CDKN2B-AS1: variants seen among roughly 807,000 people sequenced by gnomAD.
CDKN2B-AS1 encodes CDKN2B antisense RNA 1 (non-protein coding).
intron 4 of CDKN2B-AS1, chr9:22,058,633 A>G (rs1823675421): frequency 6.6e-6 from 1 of 152,294 alleles, no homozygotes; most frequent in Non-Finnish European, 1.5e-5. Context: ...TAAAATATAC[A>G]GAATTATTCT....
At chr9:22,043,638 TTTAG>T (rs1450518092) in intron 1 of CDKN2B-AS1, among the ~76,000 whole-genome samples, 1 of 152,022 alleles carries the variant, frequency 6.6e-6, no homozygotes, top group African/African-American at 2.4e-5. Context: ...TTTTCCAAAC[TTTAG>T]TTATTTATGT....
At chr9:22,012,296 A>T in intron 1 of CDKN2B-AS1, 1 of 1,470,400 alleles carries the variant, frequency 6.8e-7, no homozygotes, top group Admixed American at 1.7e-5. Context: ...ATTTGCCAGC[A>T]AACAGCTGGA....
At chr9:22,087,268 C>A (rs183421193) in intron 4 of CDKN2B-AS1, among the ~76,000 whole-genome samples, 1 of 152,292 alleles carries the variant, frequency 6.6e-6, no homozygotes, top group East Asian at 1.9e-4. Flanking sequence ...TGACTCTGGT[C>A]ACTGTTGGGT....
At chr9:22,032,085 C>T (rs564862597) in intron 1 of CDKN2B-AS1, among the ~76,000 whole-genome samples, 1 of 152,284 alleles carries the variant, frequency 6.6e-6, no homozygotes, top group South Asian at 2.1e-4. Flanking sequence ...TGATTGCAGT[C>T]TTGTGAGAGA....
At chr9:22,081,633 T>A (rs765235913) in intron 4 of CDKN2B-AS1, among the ~76,000 whole-genome samples, 10 of 152,214 alleles carry the variant, frequency 6.6e-5, no homozygotes, top group Non-Finnish European at 1.5e-4. Flanking sequence ...AGGCCCATGA[T>A]CAGTGAGCTG....
At chr9:22,055,864 G>A (rs528354567) in intron 3 of CDKN2B-AS1, among the ~76,000 whole-genome samples, 1 of 152,110 alleles carries the variant, frequency 6.6e-6, no homozygotes, top group East Asian at 1.9e-4. Flanking sequence ...GGCCTATATT[G>A]GCATATAGGG....
At chr9:22,008,930 C>G in intron 1 of CDKN2B-AS1, 1 of 1,612,964 alleles carries the variant, frequency 6.2e-7, no homozygotes, top group Non-Finnish European at 8.5e-7. Flanking sequence ...CCCCACTGGG[C>G]ATGCCCTTGT....
Position 22,006,394 on chromosome 9 carries a change from G to A in CDKN2B-AS1, n.29+11233G>A. 9.0e-7 allele frequency: 1 copy of A among 1,111,978 alleles called. No individual in the cohort carries two copies. The highest frequency in any genetic ancestry group is 1.4e-5 in the South Asian group (1 of 72,862). 68.9% of individuals were successfully genotyped at this position (1,111,978 alleles called of 1,614,324 possible). On this transcript the variant is annotated intron_variant and non_coding_transcript_variant, in intron 1 of 4. Coordinates refer to ENST00000650946, the Ensembl canonical transcript of CDKN2B-AS1. This position sits in a 1 kb window ranked among gnomAD's most constrained non-coding sequence, Gnocchi z 6.4. ...GAGGTGTTCAGGTCTCTGATGTCTGGTGTTTCTTCATTTGCTGATGCAATC... is the reference window on the plus strand; with the variant it reads ...GAGGTGTTCAGGTCTCTGATGTCTGATGTTTCTTCATTTGCTGATGCAATC...
chr9:22,068,522 G>A (rs896143169), intron 4 of CDKN2B-AS1, among the ~76,000 whole-genome samples: 1 of 152,158 alleles, frequency 6.6e-6, no homozygotes, highest in Admixed American at 6.6e-5. Flanking sequence ...GACAGAGAGC[G>A]TGGTTTACAG....
chr9:22,053,483 C>T (rs1457760722), intron 3 of CDKN2B-AS1, among the ~76,000 whole-genome samples: 2 of 152,172 alleles, frequency 1.3e-5, no homozygotes, highest in Non-Finnish European at 2.9e-5. Context: ...AGATAATTCC[C>T]AGTGATCATT....
At chr9:22,086,644 G>T (rs1242820906) in intron 4 of CDKN2B-AS1, among the ~76,000 whole-genome samples, 2 of 152,072 alleles carry the variant, frequency 1.3e-5, no homozygotes, top group Non-Finnish European at 2.9e-5. Context: ...GCCCTGGTTT[G>T]CCCTATCTTA....
chr9:22,074,477 C>T (rs1489195868), intron 4 of CDKN2B-AS1, among the ~76,000 whole-genome samples: 3 of 152,180 alleles, frequency 2.0e-5, no homozygotes, highest in African/African-American at 7.2e-5. Context: ...CATCTGGTCA[C>T]TCTCGAATAC....
intron 4 of CDKN2B-AS1, among the ~76,000 whole-genome samples, chr9:22,114,791 A>G (rs1825903360): frequency 6.6e-6 from 1 of 152,098 alleles, no homozygotes; most frequent in Non-Finnish European, 1.5e-5. Context: ...CAGAGCAAAC[A>G]ATTTTTTGTG....
intron 4 of CDKN2B-AS1, among the ~76,000 whole-genome samples, chr9:22,067,005 G>A (rs10965223): frequency 0.64 from 97,759 of 151,852 alleles, 31,727 homozygotes; most frequent in Middle Eastern, 0.79. Flanking sequence ...ATAGGTGGGA[G>A]TTGAACAATG....
intron 4 of CDKN2B-AS1, among the ~76,000 whole-genome samples, chr9:22,122,608 G>T (rs1054405144): frequency 6.6e-6 from 1 of 152,034 alleles, no homozygotes; most frequent in Admixed American, 6.6e-5. Flanking sequence ...TAATTCTTCT[G>T]CATATAGATA....
Position 22,122,861 on chromosome 9 carries a change from A to T in CDKN2B-AS1, n.439-4242A>T, listed in dbSNP as rs186671035. 2.6e-5 allele frequency among the ~76,000 whole-genome samples: 4 copies of T among 152,006 alleles called. 1 individual carries two copies. Among genetic ancestry groups the T allele is most frequent in the African/African-American group, 7.2e-5 (3 of 41,466 alleles). ...TCCAGCTTTGTTCTTTTTGCTTAGG[A>T]TTGCTTTGGCTGTTTGGGGTCTTTT... On this transcript the variant is annotated intron_variant and non_coding_transcript_variant, in intron 4 of 4. Coordinates refer to ENST00000650946, the Ensembl canonical transcript of CDKN2B-AS1.
chr9:22,096,891 C>T (rs565536606), intron 4 of CDKN2B-AS1, among the ~76,000 whole-genome samples: 11 of 152,266 alleles, frequency 7.2e-5, no homozygotes, highest in East Asian at 1.9e-4. Context: ...CTCCCCACCC[C>T]GCTCACCTTG....
intron 1 of CDKN2B-AS1, among the ~76,000 whole-genome samples, chr9:22,040,107 G>A (rs994775864): frequency 6.6e-5 from 10 of 152,006 alleles, no homozygotes; most frequent in Admixed American, 6.6e-4. Flanking sequence ...AATCTCAGAC[G>A]TCTAGCTTCC....
At chr9:22,050,813 T>C (rs1033607739) in intron 3 of CDKN2B-AS1, among the ~76,000 whole-genome samples, 9 of 152,200 alleles carry the variant, frequency 5.9e-5, no homozygotes, top group Non-Finnish European at 1.0e-4. Flanking sequence ...CTAATTTTGC[T>C]GGGAAATCTG....
Sources: gnomAD v4.1 joint callset for allele counts (sites outside exome capture counted in the v4.1 genomes callset) on GRCh38, gnomAD v4.1.1 for gene constraint, Gnocchi (gnomAD v3.1) non-coding constraint, MANE v1.5 for transcripts, NCBI Gene and HGNC (gene_info 2026-07-23, HGNC 2026-07-21) for gene names.